The following GRXCR2 variants were observed in gnomAD, a reference collection of about 807,000 sequenced individuals.
GRXCR2 encodes the protein glutaredoxin domain-containing cysteine-rich protein 2.
GRXCR2 carries 23 observed loss-of-function variants against 24.8 expected under a neutral mutation model. That is an observed-to-expected ratio of 0.93 (90% CI 0.67 to 1.32). GRXCR2 has a LOEUF of 1.32. GRXCR2 is among the 40% of genes most tolerant of loss of function. The pLI is 0.00. For missense variants in GRXCR2, 315 were observed against 303.4 expected (o/e 1.04, Z -0.28); for synonymous variants, 130 against 116.1 (o/e 1.12, Z -0.77).
intron 2 of GRXCR2, among the ~76,000 whole-genome samples, chr5:145,860,194 C>T (rs1368608683): frequency 2.0e-5 from 3 of 152,164 alleles, no homozygotes; most frequent in Admixed American, 6.5e-5. Context: ...TATCTCTGAC[C>T]TGTTTTTTCT....
chr5:145,922,212 C>T (rs988193684), intron 2 of GRXCR2, among the ~76,000 whole-genome samples: 2 of 152,214 alleles, frequency 1.3e-5, no homozygotes, highest in African/African-American at 4.8e-5. Context: ...AGAGTACAGG[C>T]ATTTCCCAGA....
upstream of GRXCR2, among the ~76,000 whole-genome samples, chr5:145,877,042 G>A (rs1489177311): frequency 6.6e-6 from 1 of 151,244 alleles, no homozygotes; most frequent in Non-Finnish European, 1.5e-5. Flanking sequence ...ACTTGTCTGT[G>A]ATAAGTTTGT....
At chr5:145,913,030 A>G (rs1312632738) in intron 2 of GRXCR2, among the ~76,000 whole-genome samples, 2 of 152,216 alleles carry the variant, frequency 1.3e-5, no homozygotes, top group African/African-American at 4.8e-5. Context: ...TCCTTTTTAA[A>G]CAAATTTTTA....
At chr5:145,919,600 T>A (rs1757296043) in intron 2 of GRXCR2, among the ~76,000 whole-genome samples, 1 of 152,078 alleles carries the variant, frequency 6.6e-6, no homozygotes, top group Non-Finnish European at 1.5e-5. Flanking sequence ...GGTTTAAGTA[T>A]TGGGTAGGCG....
At chr5:145,878,028 A>C (rs2149914288) in intron 2 of GRXCR2, among the ~76,000 whole-genome samples, 1 of 152,266 alleles carries the variant, frequency 6.6e-6, no homozygotes, top group South Asian at 2.1e-4. Flanking sequence ...CTACACCAAA[A>C]CCCCATCTGT....
chr5:145,917,986 G>A (rs1303992197), intron 2 of GRXCR2, among the ~76,000 whole-genome samples: 1 of 152,134 alleles, frequency 6.6e-6, no homozygotes, highest in Non-Finnish European at 1.5e-5. Context: ...CACCATGTTG[G>A]CCAGGATGGT....
intron 2 of GRXCR2, among the ~76,000 whole-genome samples, chr5:145,894,190 T>C (rs200411032): frequency 6.6e-6 from 1 of 151,990 alleles, no homozygotes; most frequent in Non-Finnish European, 1.5e-5. Flanking sequence ...AGGAAAGATC[T>C]AAAATTGACA....
chr5:145,925,800 A>T (rs1409430400), intron 2 of GRXCR2, among the ~76,000 whole-genome samples: 5 of 152,182 alleles, frequency 3.3e-5, no homozygotes, highest in African/African-American at 9.6e-5. Flanking sequence ...TGTTATTTAC[A>T]GTCAGTTATA....
chr5:145,901,329 G>T (rs1050508739), intron 2 of GRXCR2, among the ~76,000 whole-genome samples: 1 of 151,844 alleles, frequency 6.6e-6, no homozygotes, highest in Non-Finnish European at 1.5e-5. Context: ...GTCTTGAAGA[G>T]TTTTCCATGT....
chr5:145,912,910 T>C (rs1368369877), intron 2 of GRXCR2, among the ~76,000 whole-genome samples: 4 of 152,212 alleles, frequency 2.6e-5, no homozygotes. Flanking sequence ...CACAGTGCAA[T>C]GGAAATCCAT....
intron 2 of GRXCR2, among the ~76,000 whole-genome samples, chr5:145,894,449 AT>A (rs1199170604): frequency 6.6e-6 from 1 of 152,242 alleles, no homozygotes; most frequent in African/African-American, 2.4e-5. Context: ...GATAAAGGGG[AT>A]ATCACCACTG....
chr5:145,908,427 A>C (rs1757119696), intron 2 of GRXCR2, among the ~76,000 whole-genome samples: 1 of 152,178 alleles, frequency 6.6e-6, no homozygotes, highest in Non-Finnish European at 1.5e-5. Context: ...CAGGTGGCAG[A>C]TGAGGTGTTG....
chr5:145,911,742 C>T (rs1757169805), intron 2 of GRXCR2, among the ~76,000 whole-genome samples: 1 of 152,126 alleles, frequency 6.6e-6, no homozygotes, highest in Non-Finnish European at 1.5e-5. Context: ...TATTCTACTC[C>T]TGGCACTGAC....
At chr5:145,924,257 A>C (rs573603777) in intron 2 of GRXCR2, among the ~76,000 whole-genome samples, 2 of 152,314 alleles carry the variant, frequency 1.3e-5, no homozygotes, top group East Asian at 3.9e-4. Flanking sequence ...TTGAACAGTT[A>C]ATTAATCATA....
At chr5:145,896,281 C>T (rs531971228) in intron 2 of GRXCR2, among the ~76,000 whole-genome samples, 12 of 152,178 alleles carry the variant, frequency 7.9e-5, no homozygotes, top group South Asian at 6.2e-4. Context: ...AATTGACAAA[C>T]GGGATGTAAC....
chr5:145,899,321 A>G (rs676348), intron 2 of GRXCR2, among the ~76,000 whole-genome samples: 12,155 of 152,104 alleles, frequency 0.08, 1,078 homozygotes, highest in African/African-American at 0.22. Context: ...TCACTAAAAC[A>G]ACCTTATTGC....
chr5:145,876,414 C>A (rs947234063), upstream of GRXCR2, among the ~76,000 whole-genome samples: 7 of 150,884 alleles, frequency 4.6e-5, no homozygotes, highest in Admixed American at 2.6e-4. Context: ...GTAGCTGAGA[C>A]CAAGGCATGC....
In GRXCR2 at chr5:145,859,081, TATCTC is replaced by T. The variant is rs1756286512; in HGVS notation, c.*647_*651del. On this transcript the variant is annotated 3_prime_UTR_variant, in exon 3 of 3. Coordinates refer to ENST00000377976, the MANE Select transcript of GRXCR2 (RefSeq NM_001080516.2). Reference sequence around the variant, plus strand: ...TAGTTAGAGGCACACAAAAATGTCTTATCTCATCTTGACTTAAGAAATAGTATTGC... The same window carrying T: ...TAGTTAGAGGCACACAAAAATGTCTTATCTTGACTTAAGAAATAGTATTGC... 6.6e-6 allele frequency: 1 copy of T among 152,274 alleles called. No individual in the cohort carries two copies. The highest frequency in any genetic ancestry group is 2.4e-5 in the African/African-American group (1 of 41,450). 9.4% of individuals were successfully genotyped at this position (152,274 alleles called of 1,614,324 possible). A position where few individuals can be genotyped will look rare whatever the true frequency, so the allele number is the denominator to read the frequency against.
chr5:145,881,389 G>GACAA (rs762782089), intron 2 of GRXCR2, among the ~76,000 whole-genome samples: 50 of 151,908 alleles, frequency 3.3e-4, no homozygotes, highest in African/African-American at 1.1e-3. Context: ...ACCAATAACA[G>GACAA]ACAGAGAGCC....
Sources: gnomAD v4.1 joint callset for allele counts (sites outside exome capture counted in the v4.1 genomes callset) on GRCh38, gnomAD v4.1.1 for gene constraint, MANE v1.5 for transcripts, NCBI Gene and HGNC (gene_info 2026-07-23, HGNC 2026-07-21) for gene names.